The following TRPV5 variants were observed in gnomAD, a reference collection of about 807,000 sequenced individuals.
TRPV5 encodes the protein transient receptor potential cation channel subfamily V member 5.
In TRPV5, 66 loss-of-function variants were observed where a neutral mutation model predicts 74.1. The observed-to-expected ratio is 0.89, with a 90% CI of 0.73 to 1.09. The LOEUF is 1.09. Ranked by LOEUF, TRPV5 falls within the 50% of genes least tolerant of loss-of-function variation. The pLI is 0.00. For missense variants in TRPV5, 936 were observed against 930.4 expected (o/e 1.01, Z -0.08); for synonymous variants, 399 against 360.7 (o/e 1.11, Z -1.20).
At position 142,933,447 on chromosome 7, in the gene TRPV5, G is replaced by T. The variant is rs753055138; in HGVS notation, c.13C>A (p.Leu5Ile). The change falls in exon 1 of 15, where the codon CTA (leucine) becomes ATA (isoleucine). Residue 5 changes from leucine (L) to isoleucine (I), a missense_variant. By Grantham distance (5) the Leu-to-Ile change is conservative. Coordinates refer to ENST00000265310, the MANE Select transcript of TRPV5 (RefSeq NM_019841.7). Reference protein sequence around the residue: MGGFLPKAEGPGSQL... With the variant: MGGFIPKAEGPGSQL... ...CTCCCGGGCCCTTCTGCCTTAGGTA[G>T]AAAACCCCCCATGTCTTCTCCTTGC... is the stretch of plus-strand genomic sequence containing the variant. 72 of 1,613,488 alleles carry T rather than the reference G, an allele frequency of 4.5e-5. No individual in the cohort carries two copies. The highest frequency in any genetic ancestry group is 6.0e-5 in the Non-Finnish European group (71 of 1,179,804).
At chr7:142,909,622 A>G in intron 13 of TRPV5, 26 bp from the exon 14 acceptor site, 1 of 1,609,814 alleles carries the variant, frequency 6.2e-7, no homozygotes, top group Non-Finnish European at 8.5e-7. Context: ...AGATACAGGA[A>G]GAACTCTGAA....
chr7:142,924,263 T>C (rs1402326443), intron 8 of TRPV5, among the ~76,000 whole-genome samples: 5 of 121,520 alleles, frequency 4.1e-5, no homozygotes, highest in African/African-American at 1.9e-4. Context: ...TGTATATATA[T>C]ACATATATAT....
rs894976594 is a variant in TRPV5 at position 142,921,493 on chromosome 7, G to C, written c.1122+4036C>G. The stretch of plus-strand genomic sequence containing the variant: ...AGATGGGGTTTCACTATGTTGGCCA[G>C]GCTGGTCTCAAACTCCTGACCTCGT... On this transcript the variant is annotated intron_variant, in intron 8 of 14. Coordinates refer to ENST00000265310, the MANE Select transcript of TRPV5 (RefSeq NM_019841.7). 1.4e-4 allele frequency among the ~76,000 whole-genome samples: 21 copies of C among 152,146 alleles called. No individual in the cohort carries two copies. The East Asian group carries it at 3.7e-3, about 27-fold the overall frequency.
At chr7:142,914,770 CG>C in intron 11 of TRPV5, 64 bp from the exon 12 acceptor site, 1 of 1,607,708 alleles carries the variant, frequency 6.2e-7, no homozygotes, top group Non-Finnish European at 8.5e-7. Flanking sequence ...GAGCAGCTAA[CG>C]CTAACAGATC....
chr7:142,914,578 G>A lies in TRPV5; in HGVS notation c.1519+62C>T, dbSNP rs1795758633. ...GCAAATGAGAACTGAGAGCAAGAAT[G>A]AGAGTGAACTTTCTGGAGAACTAGA... On this transcript the variant is annotated intron_variant, in intron 12 of 14. Coordinates refer to ENST00000265310, the MANE Select transcript of TRPV5 (RefSeq NM_019841.7). 17 of 1,357,168 alleles carry A rather than the reference G, an allele frequency of 1.3e-5. No homozygotes were observed. In the East Asian group the frequency reaches 1.6e-4, roughly 13 times the overall value. The allele number at this position is 1,357,168 out of a possible 1,614,324, so 84.1% of individuals were successfully genotyped here.
At chr7:142,910,375 G>T (rs1211129399) in intron 13 of TRPV5, among the ~76,000 whole-genome samples, 1 of 152,162 alleles carries the variant, frequency 6.6e-6, no homozygotes, top group Non-Finnish European at 1.5e-5. Context: ...AGGGCCATTT[G>T]TATATTTGCT....
chr7:142,924,309 TATAC>T (rs1299562866), intron 8 of TRPV5, among the ~76,000 whole-genome samples: 2 of 27,872 alleles, frequency 7.2e-5, no homozygotes, highest in African/African-American at 2.0e-4. Context: ...TACATATATA[TATAC>T]ACACATATAC....
In TRPV5 at chr7:142,908,271, TC is replaced by T; in HGVS notation, c.*242del. On this transcript the variant is annotated 3_prime_UTR_variant, in exon 15 of 15. Coordinates refer to ENST00000265310, the MANE Select transcript of TRPV5 (RefSeq NM_019841.7). ...TGCCTCATGTCTTTAGTTGCCAACCTCCTTTTTCCTGAGATGGGTGACTTGC... is the reference window on the plus strand; with the variant it reads ...TGCCTCATGTCTTTAGTTGCCAACCTCTTTTTCCTGAGATGGGTGACTTGC... 1 of 572,914 alleles carries T rather than the reference TC, an allele frequency of 1.7e-6. No homozygotes were observed. Among genetic ancestry groups the T allele is most frequent in the Non-Finnish European group, 3.1e-6 (1 of 323,700 alleles). The allele number at this position is 572,914 out of a possible 1,614,324, so 35.5% of individuals were successfully genotyped here. A position where few individuals can be genotyped will look rare whatever the true frequency, so the allele number is the denominator to read the frequency against.
intron 10 of TRPV5, 85 bp downstream of exon 10, chr7:142,915,222 G>A: frequency 6.4e-7 from 1 of 1,557,686 alleles, no homozygotes; most frequent in African/African-American, 1.4e-5. Flanking sequence ...AGAGTGACCT[G>A]AGGCCTAGAA....
chr7:142,927,982 TA>T, intron 7 of TRPV5, 105 bp downstream of exon 7: 2 of 1,406,170 alleles, frequency 1.4e-6, no homozygotes, highest in Non-Finnish European at 2.0e-6. Context: ...CCACCTATTA[TA>T]AGGCTGGGAA....
At chr7:142,909,413 C>A in intron 14 of TRPV5, 77 bp downstream of exon 14, 7 of 1,502,286 alleles carry the variant, frequency 4.7e-6, no homozygotes, top group Non-Finnish European at 6.4e-6. Flanking sequence ...ATGTAGGCTC[C>A]AGGACGCCTG....
intron 13 of TRPV5, among the ~76,000 whole-genome samples, chr7:142,909,841 C>G (rs774675517): frequency 6.6e-6 from 1 of 152,214 alleles, no homozygotes; most frequent in Non-Finnish European, 1.5e-5. Flanking sequence ...CCTTACATTA[C>G]TATTCACTCA....
chr7:142,924,274 A>G (rs7455828), intron 8 of TRPV5, among the ~76,000 whole-genome samples: 13 of 122,180 alleles, frequency 1.1e-4, no homozygotes, highest in African/African-American at 3.3e-4. Context: ...ACATATATAT[A>G]TATATACATA....
intron 8 of TRPV5, among the ~76,000 whole-genome samples, chr7:142,916,248 G>A (rs1251988128): frequency 1.3e-5 from 2 of 152,102 alleles, no homozygotes; most frequent in African/African-American, 4.8e-5. Context: ...AGCAGAGAAG[G>A]GGCTAGAGAC....
intron 8 of TRPV5, among the ~76,000 whole-genome samples, chr7:142,924,375 C>CATATATATATATATATACAT (rs1795946493): frequency 3.9e-5 from 1 of 25,792 alleles, no homozygotes; most frequent in Non-Finnish European, 6.9e-5. Flanking sequence ...TATATATATA[C>CATATATATATATATATACAT]ATATATATAT....
Position 142,928,088 on chromosome 7 carries a change from C to T in TRPV5, c.909G>A (p.Glu303=), listed in dbSNP as rs746921503. The change falls in exon 7 of 15, where the codon GAG becomes GAA. Residue 303 remains glutamate (E), a splice_region_variant and synonymous_variant. Transcript: ENST00000265310. ...LELVVSSDKR[E]ARQILEQTPV... ...GCCTGATCCTCCTTGGCATCCATACCTCTCGTTTATCAGAGGAGACCACAA... is the reference window on the plus strand; with the variant it reads ...GCCTGATCCTCCTTGGCATCCATACTTCTCGTTTATCAGAGGAGACCACAA... 28 of 1,614,036 alleles carry T rather than the reference C, an allele frequency of 1.7e-5. No homozygotes were observed. Among genetic ancestry groups the T allele is most frequent in the Non-Finnish European group, 2.3e-5 (27 of 1,180,032 alleles).
At position 142,929,116 on chromosome 7, in the gene TRPV5, C is replaced by G; in HGVS notation, c.492G>C (p.Glu164Asp). Residue 164 changes from glutamate (E) to aspartate (D), a missense_variant, in exon 5 of 15, where the codon GAG (glutamate) becomes GAC (aspartate). Coordinates refer to ENST00000265310, the MANE Select transcript of TRPV5 (RefSeq NM_019841.7). ...CACAGGCAGCAAAGGACAAAGGGTG[C>G]TCCCCTGTGGACACAGAGAGATCCA... ...HSPRNLIYFG[E>D]HPLSFAACVN... is the part of the protein sequence containing the mutation. The G allele has an allele frequency of 6.2e-7, 1 of 1,613,966 alleles. No individual in the cohort carries two copies. Among genetic ancestry groups the G allele is most frequent in the Non-Finnish European group, 8.5e-7 (1 of 1,179,924 alleles).
rs1339841458 is a variant in TRPV5 at position 142,915,349 on chromosome 7, T to C, written c.1244A>G (p.Tyr415Cys). 6.2e-7 allele frequency: 1 copy of C among 1,606,476 alleles called. No homozygotes were observed. Among genetic ancestry groups the C allele is most frequent in the South Asian group, 1.1e-5 (1 of 89,942 alleles). ...PDIFRVGASR[Y>C]FGKTILGGPF... Reference sequence around the variant, plus strand: ...CCCCCCAAGAATCGTCTTTCCAAAATAGCGAGAGGCACCAACCCTGAAGAT... The same window carrying C: ...CCCCCCAAGAATCGTCTTTCCAAAACAGCGAGAGGCACCAACCCTGAAGAT... Residue 415 changes from tyrosine (Y) to cysteine (C), a missense_variant, in exon 10 of 15, where the codon TAT becomes TGT. Coordinates refer to ENST00000265310, the MANE Select transcript of TRPV5 (RefSeq NM_019841.7).
intron 7 of TRPV5, 40 bp from the exon 8 acceptor site, chr7:142,925,781 A>G (rs764898942): frequency 3.2e-6 from 5 of 1,573,528 alleles, no homozygotes; most frequent in East Asian, 2.3e-5. Flanking sequence ...TGACCAACAC[A>G]GAAGGATGTT....
Sources: gnomAD v4.1 joint callset for allele counts (sites outside exome capture counted in the v4.1 genomes callset) on GRCh38, gnomAD v4.1.1 for gene constraint, MANE v1.5 for transcripts, NCBI Gene and HGNC (gene_info 2026-07-23, HGNC 2026-07-21) for gene names.